LRRC1: variants seen among roughly 807,000 people sequenced by gnomAD.
LRRC1 encodes leucine rich repeat containing 1.
A neutral mutation model predicts 69.9 loss-of-function variants in LRRC1; 28 were observed. That is an observed-to-expected ratio of 0.40 (90% CI 0.30 to 0.55). The LOEUF is 0.55. Ranked by LOEUF, LRRC1 falls within the 20% of genes least tolerant of loss-of-function variation. LRRC1 has a pLI of 0.47. For synonymous variants in LRRC1, 236 were observed against 240.2 expected (o/e 0.98, Z 0.16); for missense variants, 498 against 609.0 (o/e 0.82, Z 1.92).
At chr6:53,905,159 G>C (rs938177563) in intron 10 of LRRC1, 1 of 151,958 alleles carries the variant, frequency 6.6e-6, no homozygotes, top group Non-Finnish European at 1.5e-5. Flanking sequence ...GGTGTCTAGT[G>C]TGTTGTTTAA....
chr6:53,888,691 C>T (rs1281299974), intron 4 of LRRC1, among the ~76,000 whole-genome samples: 1 of 152,158 alleles, frequency 6.6e-6, no homozygotes, highest in Non-Finnish European at 1.5e-5. Context: ...ACTCCTACCT[C>T]ATGCCAGACA....
chr6:53,840,161 G>A (rs943945053), intron 1 of LRRC1, among the ~76,000 whole-genome samples: 23 of 152,298 alleles, frequency 1.5e-4, no homozygotes, highest in South Asian at 4.1e-4. Flanking sequence ...ATGGAGTCCT[G>A]AGAAAGGTGC....
At chr6:53,812,404 A>G (rs1016963803) in intron 1 of LRRC1, among the ~76,000 whole-genome samples, 2 of 151,864 alleles carry the variant, frequency 1.3e-5, no homozygotes, top group African/African-American at 4.8e-5. Context: ...GAATTTGAAG[A>G]AAGAGGCCGG....
In LRRC1 at chr6:53,838,403, A is replaced by G. The variant is rs77207576; in HGVS notation, c.160-3707A>G. 2.2e-3 allele frequency among the ~76,000 whole-genome samples: 333 copies of G among 152,214 alleles called. 5 individuals carry two copies. In the East Asian group the frequency reaches 0.042, roughly 19 times the overall value. On this transcript the variant is annotated intron_variant, in intron 1 of 13. Transcript: ENST00000370888. ...GTTATGACTTCTATTGGATGTGAGGATTTGTAGGTTATCGTTTCCACAGAT... is the reference window on the plus strand; with the variant it reads ...GTTATGACTTCTATTGGATGTGAGGGTTTGTAGGTTATCGTTTCCACAGAT...
At chr6:53,861,263 T>G (rs549494235) in intron 2 of LRRC1, among the ~76,000 whole-genome samples, 18 of 151,974 alleles carry the variant, frequency 1.2e-4, no homozygotes, top group South Asian at 8.4e-4. Flanking sequence ...CATGTAGGTG[T>G]TGTTGTTAAT....
chr6:53,883,288 G>A (rs1444841853), intron 4 of LRRC1, among the ~76,000 whole-genome samples: 2 of 152,194 alleles, frequency 1.3e-5, no homozygotes, highest in Non-Finnish European at 2.9e-5. Context: ...CATGTAGGTG[G>A]TCAGTAAATA....
At chr6:53,802,967 G>A (rs1026275030) in intron 1 of LRRC1, among the ~76,000 whole-genome samples, 2 of 152,150 alleles carry the variant, frequency 1.3e-5, no homozygotes, top group Non-Finnish European at 2.9e-5. Flanking sequence ...TTTTAGTATG[G>A]TAAAACAGCA....
intron 1 of LRRC1, among the ~76,000 whole-genome samples, chr6:53,830,971 T>A (rs1046732284): frequency 4.6e-4 from 68 of 148,078 alleles, no homozygotes; most frequent in Non-Finnish European, 9.5e-4. Context: ...TAATATATAG[T>A]TATTATTGAA....
intron 2 of LRRC1, among the ~76,000 whole-genome samples, chr6:53,857,061 C>T (rs987852611): frequency 1.3e-5 from 2 of 152,066 alleles, no homozygotes; most frequent in African/African-American, 4.8e-5. Flanking sequence ...GGGTGAGATG[C>T]CGTTGGAGTA....
intron 13 of LRRC1, among the ~76,000 whole-genome samples, chr6:53,920,970 T>TC (rs1234731196): frequency 3.3e-5 from 5 of 152,002 alleles, no homozygotes; most frequent in African/African-American, 7.2e-5. Context: ...GGTTTTTTTT[T>TC]TTCTTCTTCT....
intron 2 of LRRC1, among the ~76,000 whole-genome samples, chr6:53,852,949 T>A (rs1265227919): frequency 6.6e-6 from 1 of 152,224 alleles, no homozygotes; most frequent in Non-Finnish European, 1.5e-5. Context: ...TTCTGGAGGC[T>A]GGGAAGTCCA....
rs190806435 is a variant in LRRC1, at chr6:53,801,799, A to G, written c.159+6384A>G. Among the ~76,000 whole-genome samples the G allele has an allele frequency of 3.9e-4, 59 of 152,306 alleles. 2 individuals are homozygous for G. Among genetic ancestry groups the G allele is most frequent in the African/African-American group, 1.3e-3 (56 of 41,550 alleles). On this transcript the variant is annotated intron_variant, in intron 1 of 13. Coordinates refer to ENST00000370888, the MANE Select transcript of LRRC1 (RefSeq NM_018214.5). ...GTTAGTGGAGATTAGAGTCTCTTCA[A>G]TTAAACATTTAGTGAGTTTCTGTGA...
At position 53,904,405 on chromosome 6, in the gene LRRC1, A is replaced by G; in HGVS notation, c.933A>G (p.Leu311=). 2.5e-6 allele frequency: 4 copies of G among 1,611,994 alleles called. No homozygotes were observed. Among genetic ancestry groups the G allele is most frequent in the Non-Finnish European group, 2.5e-6 (3 of 1,178,928 alleles). ...LLTLPKSIGK[L]KKLSNLNADR... is the part of the protein sequence containing the mutation. ...CCCTGCCTAAAAGCATTGGAAAACT[A>G]AAGAAGTTGAGCAACTTGAATGCAG... Residue 311 remains leucine, a synonymous_variant, in exon 10 of 14, where the codon CTA becomes CTG. Transcript: ENST00000370888.
intron 1 of LRRC1, among the ~76,000 whole-genome samples, chr6:53,808,902 A>G (rs1417472634): frequency 6.6e-6 from 1 of 152,242 alleles, no homozygotes; most frequent in African/African-American, 2.4e-5. Flanking sequence ...ATATCATTTA[A>G]GGAAAGGGGT....
At chr6:53,912,914 G>T (rs1447692985) in intron 10 of LRRC1, among the ~76,000 whole-genome samples, 1 of 152,122 alleles carries the variant, frequency 6.6e-6, no homozygotes, top group East Asian at 1.9e-4. Context: ...AGTACAAGAA[G>T]AATGTAGTAC....
Position 53,795,175 on chromosome 6 carries a change from T to A in LRRC1, c.-82T>A. The A allele has an allele frequency of 7.7e-7, 1 of 1,297,408 alleles. No homozygotes were observed. Among genetic ancestry groups the A allele is most frequent in the East Asian group, 2.5e-5 (1 of 40,072 alleles). The allele number at this position is 1,297,408 out of a possible 1,614,324, so 80.4% of individuals were successfully genotyped here. A position where few individuals can be genotyped will look rare whatever the true frequency, so the allele number is the denominator to read the frequency against. On this transcript the variant is annotated 5_prime_UTR_variant, in exon 1 of 14. Transcript: ENST00000370888. ...AACGAGCGCGGAGAGGGCAGCGGAC[T>A]GAGCGGAGCCGCCGGCCAGAGCGGG...
intron 1 of LRRC1, among the ~76,000 whole-genome samples, chr6:53,817,332 G>A (rs1189543196): frequency 6.6e-6 from 1 of 152,064 alleles, no homozygotes; most frequent in Non-Finnish European, 1.5e-5. Context: ...GATTATAGTT[G>A]TATATATTTG....
chr6:53,887,686 C>T (rs571778486), intron 4 of LRRC1, among the ~76,000 whole-genome samples: 1 of 152,250 alleles, frequency 6.6e-6, no homozygotes, highest in Admixed American at 6.5e-5. Context: ...GCATGCTTCT[C>T]ATAATGAACA....
At chr6:53,800,463 G>C (rs1463616532) in intron 1 of LRRC1, among the ~76,000 whole-genome samples, 1 of 151,180 alleles carries the variant, frequency 6.6e-6, no homozygotes, top group Non-Finnish European at 1.5e-5. Flanking sequence ...TGTTGGGCAG[G>C]CTGGTCTTGA....
Sources: gnomAD v4.1 joint callset for allele counts (sites outside exome capture counted in the v4.1 genomes callset) on GRCh38, gnomAD v4.1.1 for gene constraint, MANE v1.5 for transcripts, NCBI Gene and HGNC (gene_info 2026-07-23, HGNC 2026-07-21) for gene names.